Variants in SGK2 observed in about 807,000 individuals in gnomAD.
SGK2 encodes the protein serine/threonine-protein kinase Sgk2.
Under a neutral mutation model 47.5 loss-of-function variants are expected in SGK2, and 36 were observed. The ratio of observed to expected loss-of-function variants is 0.76; its 90% confidence interval spans 0.58 to 1.00. The LOEUF is 1.00. SGK2 is among the 50% of genes least tolerant of loss of function. The pLI is 0.00. For missense variants in SGK2, 404 were observed against 467.4 expected (o/e 0.86, Z 1.25); for synonymous variants, 157 against 181.9 (o/e 0.86, Z 1.10).
intron 1 of SGK2, among the ~76,000 whole-genome samples, chr20:43,560,299 G>C (rs1478856170): frequency 6.6e-6 from 1 of 152,120 alleles, no homozygotes; most frequent in African/African-American, 2.4e-5. Flanking sequence ...AGGAGTTTGA[G>C]ACCAGCCTAG....
chr20:43,572,532 C>G lies in SGK2; in HGVS notation c.597+395C>G, dbSNP rs957172156. Among the ~76,000 whole-genome samples, 2 of 152,218 alleles carry G rather than the reference C, an allele frequency of 1.3e-5. No homozygotes were observed. Among genetic ancestry groups the G allele is most frequent in the East Asian group, 3.9e-4 (2 of 5,156 alleles). ...CTCTACTAAAAATACAAAAAATTAGCTGGGCACGGTGACGGGCACCTATAG... is the reference window on the plus strand; with the variant it reads ...CTCTACTAAAAATACAAAAAATTAGGTGGGCACGGTGACGGGCACCTATAG... On this transcript the variant is annotated intron_variant, in intron 9 of 12. Transcript: ENST00000373100. The surrounding 1 kb of genome is among the most constrained non-coding windows in gnomAD (Gnocchi z 4.2).
At chr20:43,569,296 C>T in intron 5 of SGK2, 89 bp from the exon 6 acceptor site, 1 of 1,508,940 alleles carries the variant, frequency 6.6e-7, no homozygotes, top group Non-Finnish European at 9.0e-7. Context: ...GGTAGGATGA[C>T]CCCCACCCAC....
chr20:43,578,090 CT>C (rs1401470550), intron 11 of SGK2, among the ~76,000 whole-genome samples: 1 of 152,088 alleles, frequency 6.6e-6, no homozygotes, highest in Non-Finnish European at 1.5e-5. Context: ...AAAAATAATC[CT>C]ACTTTTTTTA....
chr20:43,570,626 C>T lies in SGK2; in HGVS notation c.370C>T (p.His124Tyr). The T allele has an allele frequency of 2.5e-6, 4 of 1,606,084 alleles. No homozygotes were observed. The highest frequency in any genetic ancestry group is 2.2e-5 in the South Asian group (2 of 90,102). The change falls in exon 7 of 13, where the codon CAC (histidine) becomes TAC (tyrosine). Residue 124 changes from histidine (H) to tyrosine (Y), a missense_variant. His to Tyr is a moderately conservative substitution (Grantham distance 83). Transcript: ENST00000373100. ...TCCTCCTCCCCTCCAGCTCTTCTTC[C>T]ACCTGCAGCGGGAGCGCCGGTTCCT... ...DYVNGGELFF[H>Y]LQRERRFLEP...
intron 1 of SGK2, among the ~76,000 whole-genome samples, chr20:43,561,719 G>GA (rs142924331): frequency 0.39 from 59,879 of 151,670 alleles, 12,147 homozygotes; most frequent in African/African-American, 0.49. Context: ...GGTGTGTTGA[G>GA]AAACCACTGG....
In SGK2 at chr20:43,568,145, G is replaced by C. The variant is rs927203934; in HGVS notation, c.228+146G>C. On this transcript the variant is annotated intron_variant, in intron 5 of 12. Coordinates refer to ENST00000373100, the MANE Select transcript of SGK2 (RefSeq NM_170693.3). ...ACAAAGGGTAGAGGGGAGGTGGTAC[G>C]CAGGATGCTGGCCCTTCTCAAAGAA... The C allele has an allele frequency of 7.9e-6, 5 of 635,808 alleles. No homozygotes were observed. The East Asian group carries it at 1.4e-4, about 18-fold the overall frequency. The allele number at this position is 635,808 out of a possible 1,614,324, so 39.4% of individuals were successfully genotyped here. A position where few individuals can be genotyped will look rare whatever the true frequency, so the allele number is the denominator to read the frequency against.
At chr20:43,584,815 C>G in intron 12 of SGK2, 37 bp from the exon 13 acceptor site, 1 of 1,595,310 alleles carries the variant, frequency 6.3e-7, no homozygotes, top group Non-Finnish European at 8.6e-7. Context: ...AGCTCTGACC[C>G]CGGTGTTTTC....
At chr20:43,579,620 AG>A (rs1211929542) in intron 11 of SGK2, among the ~76,000 whole-genome samples, 1 of 152,156 alleles carries the variant, frequency 6.6e-6, no homozygotes, top group Non-Finnish European at 1.5e-5. Flanking sequence ...AAGCAGAGTG[AG>A]GGGAGGGGTC....
chr20:43,568,228 C>T (rs957619405), intron 5 of SGK2, among the ~76,000 whole-genome samples: 2 of 152,204 alleles, frequency 1.3e-5, no homozygotes, highest in Admixed American at 6.5e-5. Context: ...GCTTTGCCTT[C>T]CCCTGGGAAA....
intron 11 of SGK2, among the ~76,000 whole-genome samples, chr20:43,579,206 G>C (rs557664293): frequency 6.6e-6 from 1 of 151,926 alleles, no homozygotes. Context: ...TTGTAGAGAC[G>C]AGGTCAACCA....
chr20:43,584,891 AC>A lies in SGK2; in HGVS notation c.982del (p.Gln328ArgfsTer69). ...CTTGAAGCATTTTGACCCAGAGTTC[AC>A]CCAGGAAGCTGTGTCCAAGTCCATT... The part of the protein sequence containing the change: ...ADLKHFDPEF[T>X]QEAVSKSIGC... On this transcript the variant is annotated frameshift_variant, in exon 13 of 13. Transcript: ENST00000373100. LOFTEE classifies it high-confidence loss of function. 1 of 1,614,006 alleles carries A rather than the reference AC, an allele frequency of 6.2e-7. No homozygotes were observed. Among genetic ancestry groups the A allele is most frequent in the Non-Finnish European group, 8.5e-7 (1 of 1,179,936 alleles).
rs544524932 is a variant in SGK2, at chr20:43,568,422, C to A, written c.228+423C>A. The stretch of plus-strand genomic sequence containing the variant: ...AACTCCTGGGCTTAAGCAATCCTCC[C>A]GCCTCAGCCTCCCAAAGTGCTGGGG... On this transcript the variant is annotated intron_variant, in intron 5 of 12. Coordinates refer to ENST00000373100, the MANE Select transcript of SGK2 (RefSeq NM_170693.3). Among the ~76,000 whole-genome samples, 6 of 152,310 alleles carry A rather than the reference C, an allele frequency of 3.9e-5. No homozygotes were observed. In the South Asian group the frequency reaches 1.2e-3, roughly 32 times the overall value.
Position 43,578,255 on chromosome 20 carries a change from C to T in SGK2, c.850-1717C>T, listed in dbSNP as rs980767691. ...ATCCCACCACTTTGGGAGGCCAAGG[C>T]GGGCGGATCACCTGAGGTCAGGAGT... On this transcript the variant is annotated intron_variant, in intron 11 of 12. Transcript: ENST00000373100. Among the ~76,000 whole-genome samples the T allele has an allele frequency of 3.3e-5, 5 of 152,024 alleles. No homozygotes were observed. In the East Asian group the frequency reaches 5.8e-4, roughly 18 times the overall value.
rs764581035 is a variant in SGK2, at chr20:43,574,890, G to A, written c.598-19G>A. 9 of 1,598,808 alleles carry A rather than the reference G, an allele frequency of 5.6e-6. No homozygotes were observed. Among genetic ancestry groups the A allele is most frequent in the South Asian group, 1.1e-5 (1 of 90,654 alleles). The stretch of plus-strand genomic sequence containing the variant: ...AGGCTTAACGACTTATTTCAAATAA[G>A]TGTGTTTCCTTCTAACAGTACTTGG... On this transcript the variant is annotated intron_variant, in intron 9 of 12. Coordinates refer to ENST00000373100, the MANE Select transcript of SGK2 (RefSeq NM_170693.3).
At chr20:43,574,846 T>C (rs1010218656) in intron 9 of SGK2, 63 bp from the exon 10 acceptor site, 5 of 1,281,128 alleles carry the variant, frequency 3.9e-6, no homozygotes, top group Non-Finnish European at 4.5e-6. Flanking sequence ...AAGTGCCTTA[T>C]TTACAGCTGG....
At position 43,580,103 on chromosome 20, in the gene SGK2, G is replaced by T. The variant is rs8126040; in HGVS notation, c.939+42G>T. On this transcript the variant is annotated intron_variant, in intron 12 of 12. Transcript: ENST00000373100. ...TTCTAGACTCTGGATTTCCGGGGCT[G>T]GGGGAGCTTGCTATGCTTGCCAACT... The T allele has an allele frequency of 4.2e-4, 552 of 1,314,680 alleles. 2 individuals are homozygous for T. In the African/African-American group the frequency reaches 7.2e-3, roughly 17 times the overall value. The allele number at this position is 1,314,680 out of a possible 1,614,324, so 81.4% of individuals were successfully genotyped here.
rs375373654 is a variant in SGK2, at chr20:43,584,986, G to A, written c.1074G>A (p.Ala358=). Residue 358 remains alanine, a synonymous_variant, in exon 13 of 13, where the codon GCG becomes GCA. Transcript: ENST00000373100. ...ASSAFLGFSY[A]PEDDDILDC is the part of the protein sequence containing the mutation. ...GTGCATTCCTGGGATTTTCTTATGC[G>A]CCAGAGGATGATGACATCTTGGATT... is the stretch of plus-strand genomic sequence containing the variant. 16 of 1,613,876 alleles carry A rather than the reference G, an allele frequency of 9.9e-6. No individual in the cohort carries two copies. The highest frequency in any genetic ancestry group is 5.3e-5 in the African/African-American group (4 of 74,892).
intron 3 of SGK2, 67 bp from the exon 4 acceptor site, chr20:43,567,598 T>A: frequency 1.4e-6 from 2 of 1,450,950 alleles, no homozygotes; most frequent in Non-Finnish European, 1.9e-6. Context: ...GAAGCCCAGG[T>A]TTGTTCTCAG....
intron 1 of SGK2, among the ~76,000 whole-genome samples, chr20:43,562,702 T>C (rs1370370700): frequency 6.6e-6 from 1 of 152,116 alleles, no homozygotes; most frequent in East Asian, 1.9e-4. Flanking sequence ...ATTGTGCCAT[T>C]GCACTCCAGC....
Sources: allele counts gnomAD v4.1 joint callset (sites outside exome capture counted in the v4.1 genomes callset), GRCh38; gene constraint gnomAD v4.1.1; non-coding constraint Gnocchi (gnomAD v3.1); transcripts MANE v1.5; gene names NCBI Gene and HGNC (gene_info 2026-07-23, HGNC 2026-07-21).